PEX1: variants seen among roughly 807,000 people sequenced by gnomAD.
PEX1 encodes the protein peroxisomal biogenesis factor 1.
Under a neutral mutation model 152.5 loss-of-function variants are expected in PEX1, and 97 were observed. That is an observed-to-expected ratio of 0.64 (90% CI 0.54 to 0.75). PEX1 has a LOEUF of 0.75. Ranked by LOEUF, PEX1 falls within the 30% of genes least tolerant of loss-of-function variation. The probability of loss-of-function intolerance (pLI) is 0.00; values close to 1 mark genes in which losing one functional copy is unlikely to be tolerated. For synonymous variants in PEX1, 485 were observed against 531.6 expected, an observed-to-expected ratio of 0.91 and a Z score of 1.21; for missense variants, 1,357 against 1,516.3, an observed-to-expected ratio of 0.89 and a Z score of 1.74.
chr7:92,499,826 A>G lies in PEX1; in HGVS notation c.2596T>C (p.Phe866Leu). 1.3e-6 allele frequency: 2 copies of G among 1,599,902 alleles called. No individual in the cohort carries two copies. The highest frequency in any genetic ancestry group is 1.7e-6 in the Non-Finnish European group (2 of 1,174,090). ...CTTTGTCGTATGGGCAAGTTTGCAA[A>G]TAATTCTGGATACTGAGAAACAAAA... ...IQLPAKYPEL[F>L]ANLPIRQRTG... Residue 866 changes from phenylalanine to leucine, a missense_variant, in exon 16 of 24, where the codon TTT (phenylalanine) becomes CTT (leucine). Phe to Leu is a conservative substitution (Grantham distance 22, BLOSUM62 0). Coordinates refer to ENST00000248633, the MANE Select transcript of PEX1 (RefSeq NM_000466.3).
At chr7:92,528,041 T>C (rs930079086) in intron 1 of PEX1, among the ~76,000 whole-genome samples, 1 of 152,262 alleles carries the variant, frequency 6.6e-6, no homozygotes, top group Non-Finnish European at 1.5e-5. Context: ...GAATAAGGAA[T>C]ATTTATAAAA....
At chr7:92,520,228 G>C (rs1264754286) in intron 2 of PEX1, among the ~76,000 whole-genome samples, 1 of 152,122 alleles carries the variant, frequency 6.6e-6, no homozygotes, top group Non-Finnish European at 1.5e-5. Context: ...GTACTCAGAG[G>C]GCAGAACTGT....
intron 16 of PEX1, among the ~76,000 whole-genome samples, chr7:92,499,207 C>A (rs10266304): frequency 0.077 from 11,688 of 152,204 alleles, 483 homozygotes; most frequent in Non-Finnish European, 0.086. Flanking sequence ...GAATTCTACT[C>A]CTCAGTTTAT....
intron 21 of PEX1, chr7:92,490,271 A>G: frequency 3.9e-6 from 1 of 254,464 alleles, no homozygotes; most frequent in Non-Finnish European, 7.6e-6. Flanking sequence ...TAAAAACAGA[A>G]TTAAAGACTA....
At chr7:92,497,634 GACCAACT>G (rs1179309147) in intron 16 of PEX1, among the ~76,000 whole-genome samples, 2 of 152,024 alleles carry the variant, frequency 1.3e-5, no homozygotes, top group African/African-American at 4.8e-5. Flanking sequence ...ATCTCCAGAA[GACCAACT>G]ACTGATCAGG....
intron 8 of PEX1, 38 bp from the exon 9 acceptor site, chr7:92,509,449 G>A (rs1233343555): frequency 2.1e-6 from 3 of 1,443,818 alleles, no homozygotes; most frequent in Non-Finnish European, 1.9e-6. Context: ...ACATTTCAAA[G>A]TATGTCTTTT....
At position 92,502,092 on chromosome 7, in the gene PEX1, AC is replaced by A; in HGVS notation, c.2227-14del. The A allele has an allele frequency of 6.4e-7, 1 of 1,563,796 alleles. No individual in the cohort carries two copies. The highest frequency in any genetic ancestry group is 8.8e-7 in the Non-Finnish European group (1 of 1,139,184). On this transcript the variant is annotated splice_polypyrimidine_tract_variant and intron_variant, in intron 13 of 23. Coordinates refer to ENST00000248633, the MANE Select transcript of PEX1 (RefSeq NM_000466.3). Reference sequence around the variant, plus strand: ...CACATCTTTGTTCCTAAAGAAAAAAACACAAAATTCGAATTTCCAATTGTAT... The same window carrying A: ...CACATCTTTGTTCCTAAAGAAAAAAAACAAAATTCGAATTTCCAATTGTAT...
At chr7:92,516,060 G>GAGAAGAGAA (rs1562864877) in intron 5 of PEX1, among the ~76,000 whole-genome samples, 142 of 52,306 alleles carry the variant, frequency 2.7e-3, no homozygotes, top group South Asian at 9.8e-3. Flanking sequence ...AGAGAAAAAA[G>GAGAAGAGAA]AAAAGAAAAG....
intron 6 of PEX1, 84 bp from the exon 7 acceptor site, chr7:92,511,787 A>T: frequency 7.7e-7 from 1 of 1,294,820 alleles, no homozygotes. Context: ...GATCTTCCTA[A>T]TAAAGTGTAA....
At chr7:92,520,098 T>TA (rs1485152418) in intron 2 of PEX1, among the ~76,000 whole-genome samples, 1 of 151,462 alleles carries the variant, frequency 6.6e-6, no homozygotes, top group African/African-American at 2.4e-5. Context: ...ATAAGGGATC[T>TA]AAAAAAATCA....
rs1321793051 is a variant in PEX1, at chr7:92,516,055, A to AGAGAAGAGAAAAAAG, written c.1239+1220_1239+1221insCTTTTTTCTCTTCTC. Reference sequence around the variant, plus strand: ...AGAGAAGAGAAGAGAAGAGAAGAGAAAAAAGAAAAGAAAAGAAAAGAAAAG... The same window carrying AGAGAAGAGAAAAAAG: ...AGAGAAGAGAAGAGAAGAGAAGAGAAGAGAAGAGAAAAAAGAAAAGAAAAGAAAAGAAAAGAAAAG... On this transcript the variant is annotated intron_variant, in intron 5 of 23. Transcript: ENST00000248633. 4.5e-3 allele frequency among the ~76,000 whole-genome samples: 384 copies of AGAGAAGAGAAAAAAG among 85,648 alleles called. 5 individuals carry two copies. The highest frequency in any genetic ancestry group is 7.1e-3 in the Non-Finnish European group (303 of 42,694). The allele number at this position is 85,648 out of a possible 152,430, so 56.2% of individuals were successfully genotyped here.
At chr7:92,489,997 T>G (rs1791201862) in intron 21 of PEX1, 86 bp from the exon 22 acceptor site, 2 of 1,044,846 alleles carry the variant, frequency 1.9e-6, no homozygotes, top group African/African-American at 1.6e-5. Context: ...AAATTAAACA[T>G]TTTAAGCAAT....
intron 21 of PEX1, 152 bp downstream of exon 21, chr7:92,491,120 A>G: frequency 3.2e-6 from 2 of 621,712 alleles, no homozygotes; most frequent in Non-Finnish European, 5.8e-6. Flanking sequence ...GCAAATTACC[A>G]ATTAGTGTAA....
chr7:92,521,491 G>A (rs762192160), intron 2 of PEX1, among the ~76,000 whole-genome samples: 1 of 151,632 alleles, frequency 6.6e-6, no homozygotes, highest in Non-Finnish European at 1.5e-5. Context: ...CTGAAGTGCA[G>A]CAGTGCAATC....
At chr7:92,505,023 T>C in intron 11 of PEX1, 121 bp from the exon 12 acceptor site, 2 of 743,942 alleles carry the variant, frequency 2.7e-6, no homozygotes. Flanking sequence ...TTGATCTATA[T>C]TTTATTAATA....
intron 6 of PEX1, 70 bp from the exon 7 acceptor site, chr7:92,511,773 A>T: frequency 1.4e-6 from 2 of 1,388,088 alleles, no homozygotes; most frequent in Admixed American, 1.7e-5. Context: ...TTATTTTAAC[A>T]TCTGATCTTC....
chr7:92,523,721 C>G (rs1793147523), intron 1 of PEX1, among the ~76,000 whole-genome samples: 1 of 152,008 alleles, frequency 6.6e-6, no homozygotes, highest in Middle Eastern at 3.2e-3. Flanking sequence ...GTCCCATCTA[C>G]TCAGGAAGCC....
Position 92,493,087 on chromosome 7 carries a change from G to A in PEX1, c.3073C>T (p.Pro1025Ser), listed in dbSNP as rs746345275. ...EILNVLSDSL[P>S]LADDVDLQHV... ...TGAAGGTCAACATCATCTGCCAGAG[G>A]TAGAGAGTCACTGAGGACATTTAAA... is the stretch of plus-strand genomic sequence containing the variant. Residue 1025 changes from proline to serine, a missense_variant, in exon 20 of 24, where the codon CCT becomes TCT. Transcript: ENST00000248633. 1 of 1,612,336 alleles carries A rather than the reference G, an allele frequency of 6.2e-7. No individual in the cohort carries two copies. The highest frequency in any genetic ancestry group is 8.5e-7 in the Non-Finnish European group (1 of 1,178,556).
chr7:92,489,968 A>G (rs1205918924), intron 21 of PEX1, 57 bp from the exon 22 acceptor site: 18 of 1,281,858 alleles, frequency 1.4e-5, no homozygotes, highest in East Asian at 2.3e-5. Flanking sequence ...AGAAAAAACT[A>G]TGTGTTTACC....
Sources: allele counts gnomAD v4.1 joint callset (sites outside exome capture counted in the v4.1 genomes callset), GRCh38; gene constraint gnomAD v4.1.1; transcripts MANE v1.5; gene names NCBI Gene and HGNC (gene_info 2026-07-23, HGNC 2026-07-21).